CPB2: variants seen among roughly 807,000 people sequenced by gnomAD.
CPB2 encodes carboxypeptidase B2.
A neutral mutation model predicts 57.0 loss-of-function variants in CPB2; 54 were observed. The observed-to-expected ratio is 0.95, with a 90% CI of 0.76 to 1.19. CPB2 has a LOEUF of 1.19. CPB2 is among the 50% of genes most tolerant of loss of function. The pLI is 0.00. For synonymous variants in CPB2, 189 were observed against 178.1 expected (o/e 1.06, Z -0.49); for missense variants, 426 against 512.0 (o/e 0.83, Z 1.62).
chr13:46,067,522 G>C, intron 6 of CPB2, 105 bp from the exon 7 acceptor site: 1 of 643,064 alleles, frequency 1.6e-6, no homozygotes. Context: ...GTTTAGATTT[G>C]CAGATTTAAC....
intron 1 of CPB2, among the ~76,000 whole-genome samples, chr13:46,091,802 C>T (rs1473346244): frequency 1.3e-5 from 2 of 152,150 alleles, no homozygotes; most frequent in African/African-American, 4.8e-5. Flanking sequence ...TTTTCACATA[C>T]CACTTAGAAA....
At chr13:46,095,094 G>A (rs1462548354) in intron 1 of CPB2, 1 of 152,122 alleles carries the variant, frequency 6.6e-6, no homozygotes, top group African/African-American at 2.4e-5. Context: ...TGAAACTTGG[G>A]TATCTGGAGC....
intron 1 of CPB2, among the ~76,000 whole-genome samples, chr13:46,088,761 T>C (rs2045247581): frequency 6.6e-6 from 1 of 152,236 alleles, no homozygotes; most frequent in Admixed American, 6.5e-5. Flanking sequence ...ATTAATGAAG[T>C]ACAGTTGTTT....
chr13:46,093,983 T>G (rs1035759230), intron 1 of CPB2, among the ~76,000 whole-genome samples: 1 of 152,204 alleles, frequency 6.6e-6, no homozygotes, highest in Non-Finnish European at 1.5e-5. Context: ...ATTATTTACT[T>G]TTTAAACCCA....
At chr13:46,059,577 TATC>T (rs10571812) in intron 8 of CPB2, among the ~76,000 whole-genome samples, 2,457 of 150,102 alleles carry the variant, frequency 0.016, 25 homozygotes, top group African/African-American at 0.026. Flanking sequence ...TGTTGCTGTT[TATC>T]ATCATCATCA....
At chr13:46,085,244 A>AT (rs2045185041) in intron 2 of CPB2, among the ~76,000 whole-genome samples, 2 of 152,236 alleles carry the variant, frequency 1.3e-5, no homozygotes, top group Admixed American at 1.3e-4. Flanking sequence ...AGGTGAAGAA[A>AT]TTAAGGTTCA....
intron 4 of CPB2, among the ~76,000 whole-genome samples, chr13:46,081,899 A>T (rs982655976): frequency 6.6e-6 from 1 of 152,226 alleles, no homozygotes; most frequent in African/African-American, 2.4e-5. Context: ...CTCTAGAAGG[A>T]GTGGAACCTG....
intron 10 of CPB2, 109 bp downstream of exon 10, chr13:46,055,653 A>T: frequency 1.8e-6 from 1 of 548,276 alleles, no homozygotes; most frequent in Non-Finnish European, 3.2e-6. Context: ...CAGTTGTATT[A>T]CATGTGACCC....
chr13:46,085,718 A>G (rs2146885), intron 2 of CPB2, among the ~76,000 whole-genome samples: 119,780 of 152,154 alleles, frequency 0.79, 47,496 homozygotes, highest in African/African-American at 0.88. Flanking sequence ...GTCTAGTCTT[A>G]ACCTCTGCTT....
chr13:46,054,566 T>G (rs973549294), intron 10 of CPB2, among the ~76,000 whole-genome samples: 8 of 152,022 alleles, frequency 5.3e-5, no homozygotes, highest in Admixed American at 1.3e-4. Context: ...TGACTTTTTT[T>G]GGGGGGGTGC....
At chr13:46,086,320 C>T (rs572998076) in intron 2 of CPB2, among the ~76,000 whole-genome samples, 1 of 152,228 alleles carries the variant, frequency 6.6e-6, no homozygotes, top group Non-Finnish European at 1.5e-5. Context: ...GGAACAATGA[C>T]GTACGTGGAC....
intron 1 of CPB2, among the ~76,000 whole-genome samples, chr13:46,095,876 CTTTTTT>C (rs34686626): frequency 1.2e-5 from 1 of 85,746 alleles, no homozygotes; most frequent in Non-Finnish European, 2.2e-5. Flanking sequence ...GGCTATAGGA[CTTTTTT>C]TTTTTTTTTT....
chr13:46,073,838 T>C (rs777780191), intron 6 of CPB2, 35 bp downstream of exon 6: 1 of 1,394,758 alleles, frequency 7.2e-7, no homozygotes, highest in Non-Finnish European at 9.8e-7. Context: ...GGGCACCATT[T>C]TGAGAAATAG....
intron 6 of CPB2, chr13:46,073,599 A>T (rs78610774): frequency 3.7e-6 from 1 of 272,074 alleles, no homozygotes; most frequent in East Asian, 1.7e-4. Flanking sequence ...TATTATAATC[A>T]ATGTACTATT....
chr13:46,064,514 A>G (rs996624093), intron 8 of CPB2, 134 bp downstream of exon 8: 3 of 699,532 alleles, frequency 4.3e-6, no homozygotes, highest in Non-Finnish European at 7.3e-6. Context: ...ACATTTACCT[A>G]AGCATTTATC....
intron 1 of CPB2, among the ~76,000 whole-genome samples, chr13:46,091,379 G>A (rs1276862175): frequency 6.6e-6 from 1 of 152,018 alleles, no homozygotes; most frequent in Non-Finnish European, 1.5e-5. Flanking sequence ...GTCTTGCTGT[G>A]TTGCCTGGGA....
Position 46,060,519 on chromosome 13 carries a change from A to G in CPB2, c.797-2138T>C, listed in dbSNP as rs1003582012. On this transcript the variant is annotated intron_variant, in intron 8 of 10. Transcript: ENST00000181383. ...TTAATTCAATATTGTAATTTATTTAACCAAATATGTACAAAGTATCATTTC... is the reference window on the plus strand; with the variant it reads ...TTAATTCAATATTGTAATTTATTTAGCCAAATATGTACAAAGTATCATTTC... 2.6e-5 allele frequency among the ~76,000 whole-genome samples: 4 copies of G among 152,156 alleles called. 1 individual carries two copies. The highest frequency in any genetic ancestry group is 9.7e-5 in the African/African-American group (4 of 41,410).
At chr13:46,090,359 A>G (rs1157226343) in intron 1 of CPB2, among the ~76,000 whole-genome samples, 2 of 135,458 alleles carry the variant, frequency 1.5e-5, no homozygotes, top group African/African-American at 2.8e-5. Context: ...CTATTTGTCT[A>G]TTCTTTTTTT....
rs755828340 is a variant in CPB2 at position 46,067,399 on chromosome 13, T to G, written c.610A>C (p.Ile204Leu). 6.4e-7 allele frequency: 1 copy of G among 1,570,620 alleles called. No homozygotes were observed. The highest frequency in any genetic ancestry group is 1.4e-5 in the African/African-American group (1 of 73,944). Residue 204 changes from isoleucine (I) to leucine (L), a missense_variant, in exon 7 of 11, where the codon ATA becomes CTA. By Grantham distance (5) the Ile-to-Leu change is conservative (BLOSUM62 2). Transcript: ENST00000181383. ...FIGHITQFYGIIGQYTNLLRL... is the reference protein window; with the variant it reads ...FIGHITQFYGLIGQYTNLLRL... The stretch of plus-strand genomic sequence containing the variant: ...AGGAGATTGGTATATTGCCCTATTA[T>G]CCCATAGAATTGAGTTATCTGCAAA...
Sources: gnomAD v4.1 joint callset for allele counts (sites outside exome capture counted in the v4.1 genomes callset) on GRCh38, gnomAD v4.1.1 for gene constraint, MANE v1.5 for transcripts, NCBI Gene and HGNC (gene_info 2026-07-23, HGNC 2026-07-21) for gene names.